Variants in FBXW4 observed in about 807,000 individuals in gnomAD.
The protein encoded by FBXW4 is F-box and WD repeat domain containing 4.
In FBXW4, 40 loss-of-function variants were observed where a neutral mutation model predicts 61.8. The observed-to-expected ratio is 0.65, with a 90% CI of 0.50 to 0.84. FBXW4 has a LOEUF of 0.84. FBXW4 is among the 40% of genes least tolerant of loss of function. The pLI is 0.00. For missense variants in FBXW4, 672 were observed against 753.8 expected (o/e 0.89, Z 1.27); for synonymous variants, 311 against 313.8 (o/e 0.99, Z 0.10).
intron 1 of FBXW4, among the ~76,000 whole-genome samples, chr10:101,682,266 CAT>C (rs904193143): frequency 1.3e-5 from 2 of 152,284 alleles, no homozygotes; most frequent in East Asian, 1.9e-4. Flanking sequence ...TGGCTATACA[CAT>C]GTTAAGGCTA....
intron 5 of FBXW4, among the ~76,000 whole-genome samples, chr10:101,654,855 G>T (rs917001670): frequency 9.2e-5 from 14 of 152,154 alleles, no homozygotes; most frequent in African/African-American, 3.4e-4. Context: ...ACAGACTCTT[G>T]CTCTGTCACC....
chr10:101,633,990 G>A (rs1364065906), intron 5 of FBXW4, among the ~76,000 whole-genome samples: 1 of 152,068 alleles, frequency 6.6e-6, no homozygotes, highest in African/African-American at 2.4e-5. Flanking sequence ...GTGGGCACCT[G>A]TAATCTCAGC....
intron 4 of FBXW4, among the ~76,000 whole-genome samples, chr10:101,670,248 T>C (rs1296253044): frequency 6.6e-6 from 1 of 152,250 alleles, no homozygotes; most frequent in Non-Finnish European, 1.5e-5. Context: ...AAAGCATGCA[T>C]AGGCTTTGGC....
In FBXW4 at chr10:101,611,387, G is replaced by A. The variant is rs761413112; in HGVS notation, c.1608C>T (p.Pro536=). Residue 536 remains proline, a synonymous_variant, in exon 9 of 9, where the codon CCC becomes CCT. Transcript: ENST00000331272. This position sits in a 1 kb window ranked among gnomAD's most constrained non-coding sequence, Gnocchi z 4.9. Reference sequence around the variant, plus strand: ...GCAGGCAGTACACAGGGCTGCTGAGGGGAGTCGACGTCAGCGGGAAGGCCT... The same window carrying A: ...GCAGGCAGTACACAGGGCTGCTGAGAGGAGTCGACGTCAGCGGGAAGGCCT... ...CLHAFPLTST[P]LSSPVYCLRL... 11 of 1,613,984 alleles carry A rather than the reference G, an allele frequency of 6.8e-6. No individual in the cohort carries two copies. In the Admixed American group the frequency reaches 1.8e-4, roughly 27 times the overall value.
intron 6 of FBXW4, among the ~76,000 whole-genome samples, chr10:101,614,641 GC>G (rs1224314053): frequency 6.6e-6 from 1 of 152,228 alleles, no homozygotes; most frequent in Admixed American, 6.5e-5. Context: ...TTTCTGCTGT[GC>G]TGTTCTCTGG....
At chr10:101,633,828 A>G (rs2063978579) in intron 5 of FBXW4, among the ~76,000 whole-genome samples, 1 of 152,196 alleles carries the variant, frequency 6.6e-6, no homozygotes, top group South Asian at 2.1e-4. Context: ...TTAAAAATCC[A>G]GGCTGGGCGT....
chr10:101,694,851 T>C lies in FBXW4; in HGVS notation c.255A>G (p.Ala85=). The C allele has an allele frequency of 3.9e-6, 5 of 1,278,242 alleles. No individual in the cohort carries two copies. Among genetic ancestry groups the C allele is most frequent in the Non-Finnish European group, 4.9e-6 (5 of 1,014,612 alleles). The allele number at this position is 1,278,242 out of a possible 1,614,324, so 79.2% of individuals were successfully genotyped here. The change falls in exon 1 of 9, where the codon GCA becomes GCG. Residue 85 remains alanine (A), a synonymous_variant. Transcript: ENST00000331272. The surrounding 1 kb of genome is among the most constrained non-coding windows in gnomAD (Gnocchi z 6.0). ...AGARACPREE[A]EGGRSVEEGA... is the part of the protein sequence containing the mutation. ...CTTCCTCCACGCTTCTGCCTCCCTC[T>C]GCTTCCTCCCTTGGGCATGCCCTCG...
intron 5 of FBXW4, among the ~76,000 whole-genome samples, chr10:101,648,330 C>CAAGA (rs1564913512): frequency 2.6e-5 from 4 of 152,200 alleles, no homozygotes; most frequent in African/African-American, 9.7e-5. Context: ...TTTCTACCCC[C>CAAGA]TGCTCTTGGG....
At position 101,641,675 on chromosome 10, in the gene FBXW4, C is replaced by G. The variant is rs145665006; in HGVS notation, c.1236-16865G>C. On this transcript the variant is annotated intron_variant, in intron 5 of 8. Coordinates refer to ENST00000331272, the MANE Select transcript of FBXW4 (RefSeq NM_022039.4). ...ACACATACACCTTAAGTGTGTCCCC[C>G]CAAACCCTCTCACTCTCTTTTTTTT... 3.3e-3 allele frequency among the ~76,000 whole-genome samples: 507 copies of G among 151,372 alleles called. 1 individual carries two copies. The highest frequency in any genetic ancestry group is 7.6e-3 in the Admixed American group (115 of 15,198).
At chr10:101,620,004 A>G (rs531234494) in intron 6 of FBXW4, among the ~76,000 whole-genome samples, 1 of 152,250 alleles carries the variant, frequency 6.6e-6, no homozygotes, top group African/African-American at 2.4e-5. Context: ...AATGTGTCCC[A>G]GCCCCCACCA....
intron 1 of FBXW4, chr10:101,676,711 G>GAAAAAAAAAAAAAAAAAAAAAAAAAAAA (rs56232127): frequency 1.5e-5 from 1 of 64,768 alleles, no homozygotes; most frequent in Non-Finnish European, 2.6e-5. Flanking sequence ...TCCAGATTGG[G>GAAAAAAAAAAAAAAAAAAAAAAAAAAAA]AAAAAAAAAA....
chr10:101,694,882 G>A lies in FBXW4; in HGVS notation c.224C>T (p.Ala75Val). The change falls in exon 1 of 9, where the codon GCG becomes GTG. Residue 75 changes from alanine to valine, a missense_variant. Coordinates refer to ENST00000331272, the MANE Select transcript of FBXW4 (RefSeq NM_022039.4). The surrounding 1 kb of genome is among the most constrained non-coding windows in gnomAD (Gnocchi z 6.0). ...CTCCCTTGGGCATGCCCTCGCTCCC[G>A]CGTCAGCCCCCGGCCCGGCTGCCTC... ...AKEAAGPGAD[A>V]GARACPREEA... is the part of the protein sequence containing the mutation. 1 of 1,242,242 alleles carries A rather than the reference G, an allele frequency of 8.0e-7. No homozygotes were observed. Among genetic ancestry groups the A allele is most frequent in the Non-Finnish European group, 1.0e-6 (1 of 994,258 alleles). 77.0% of individuals were successfully genotyped at this position (1,242,242 alleles called of 1,614,324 possible).
At chr10:101,660,700 AG>A (rs2064234218) in intron 5 of FBXW4, among the ~76,000 whole-genome samples, 1 of 152,262 alleles carries the variant, frequency 6.6e-6, no homozygotes, top group African/African-American at 2.4e-5. Context: ...CAGCTAAAGC[AG>A]GAAAATTCCC....
intron 6 of FBXW4, 65 bp from the exon 7 acceptor site, chr10:101,612,542 A>G (rs1212705706): frequency 3.6e-6 from 5 of 1,406,594 alleles, no homozygotes; most frequent in Non-Finnish European, 4.7e-6. Context: ...TTCCACCTTC[A>G]GAAGGCATCA....
At chr10:101,685,001 C>A (rs2064520466) in intron 1 of FBXW4, among the ~76,000 whole-genome samples, 1 of 152,148 alleles carries the variant, frequency 6.6e-6, no homozygotes, top group Non-Finnish European at 1.5e-5. Flanking sequence ...ACCCACTTTA[C>A]CCATTCAACT....
At position 101,628,559 on chromosome 10, in the gene FBXW4, G is replaced by A. The variant is rs2063925322; in HGVS notation, c.1236-3749C>T. On this transcript the variant is annotated intron_variant, in intron 5 of 8. Coordinates refer to ENST00000331272, the MANE Select transcript of FBXW4 (RefSeq NM_022039.4). ...CCTTCCAGAGCCCAAAGCCTACACA[G>A]CTGGGAAAGCTAGTCATGTGCACTG... 3.3e-5 allele frequency among the ~76,000 whole-genome samples: 5 copies of A among 152,194 alleles called. No individual in the cohort carries two copies. The South Asian group carries it at 1.0e-3, about 32-fold the overall frequency.
chr10:101,637,324 G>A (rs1230287020), intron 5 of FBXW4, among the ~76,000 whole-genome samples: 5 of 146,902 alleles, frequency 3.4e-5, no homozygotes, highest in South Asian at 2.2e-4. Context: ...CCTGGGAGGC[G>A]GAGCTTGCAG....
intron 5 of FBXW4, among the ~76,000 whole-genome samples, chr10:101,651,509 C>T (rs1036985061): frequency 2.0e-5 from 3 of 152,166 alleles, no homozygotes; most frequent in African/African-American, 7.2e-5. Context: ...GTTTATCAAA[C>T]AATCATTTTT....
intron 6 of FBXW4, among the ~76,000 whole-genome samples, chr10:101,616,361 C>T (rs2063826534): frequency 6.6e-6 from 1 of 152,196 alleles, no homozygotes; most frequent in African/African-American, 2.4e-5. Flanking sequence ...TTAATGGAAA[C>T]TACAGGGAGA....
Sources: allele counts gnomAD v4.1 joint callset (sites outside exome capture counted in the v4.1 genomes callset), GRCh38; gene constraint gnomAD v4.1.1; non-coding constraint Gnocchi (gnomAD v3.1); transcripts MANE v1.5; gene names NCBI Gene and HGNC (gene_info 2026-07-23, HGNC 2026-07-21).